The following FAAH2 variants were observed in gnomAD, a reference collection of about 807,000 sequenced individuals.
The protein encoded by FAAH2 is fatty-acid amide hydrolase 2.
A neutral mutation model predicts 36.9 loss-of-function variants in FAAH2; 60 were observed. The ratio of observed to expected loss-of-function variants is 1.63; its 90% CI spans 1.32 to 2.02. The LOEUF (loss-of-function observed/expected upper bound fraction) is 2.02. Ranked by LOEUF, FAAH2 falls within the 30% of genes most tolerant of loss-of-function variation. FAAH2 has a pLI of 0.00. For synonymous variants in FAAH2, 214 were observed against 143.8 expected (o/e 1.49, Z -3.49); for missense variants, 689 against 397.5 (o/e 1.73, Z -6.23).
intron 10 of FAAH2, among the ~76,000 whole-genome samples, chrX:57,454,362 C>T (rs1330346655): frequency 8.9e-6 from 1 of 111,894 alleles, no homozygotes; most frequent in Non-Finnish European, 1.9e-5. Flanking sequence ...TCAACCCTTA[C>T]ACATGAGAAA....
chrX:57,274,106 A>G, the FAAH2 span, among the ~76,000 whole-genome samples: 1 of 112,250 alleles, frequency 8.9e-6, no homozygotes, highest in Admixed American at 9.4e-5. Flanking sequence ...AGAAATAAAA[A>G]CTACCATCAG....
chrX:57,241,386 A>G, the FAAH2 span, among the ~76,000 whole-genome samples: 2 of 112,012 alleles, frequency 1.8e-5, no homozygotes, highest in African/African-American at 6.5e-5. Context: ...AAATTTTGCA[A>G]TCTATGCATC....
intron 5 of FAAH2, among the ~76,000 whole-genome samples, chrX:57,376,656 T>C (rs746773355): frequency 4.5e-5 from 5 of 111,623 alleles, no homozygotes; most frequent in Non-Finnish European, 9.4e-5. Flanking sequence ...TTATAATTCT[T>C]TGGGTATAAA....
the FAAH2 span, among the ~76,000 whole-genome samples, chrX:57,246,796 A>G: frequency 9.0e-6 from 1 of 111,533 alleles, no homozygotes; most frequent in African/African-American, 3.3e-5. Context: ...AGTAAAAATA[A>G]TTGTGGGTTG....
chrX:57,187,613 G>A, the FAAH2 span, among the ~76,000 whole-genome samples: 1 of 110,872 alleles, frequency 9.0e-6, no homozygotes, highest in Non-Finnish European at 1.9e-5. Flanking sequence ...TTGAATATGA[G>A]CAGTGAGAGA....
At chrX:57,433,395 G>C (rs988068671) in intron 8 of FAAH2, among the ~76,000 whole-genome samples, 4 of 111,269 alleles carry the variant, frequency 3.6e-5, no homozygotes, top group Non-Finnish European at 7.5e-5. Flanking sequence ...ACTTAAAATA[G>C]GTAGAAAAGG....
chrX:57,422,320 T>A (rs1194666162), intron 7 of FAAH2, among the ~76,000 whole-genome samples: 1 of 111,898 alleles, frequency 8.9e-6, no homozygotes, highest in African/African-American at 3.3e-5. Flanking sequence ...TTTAAGTTCT[T>A]GATGGAACTG....
At chrX:57,190,444 G>GAA in the FAAH2 span, among the ~76,000 whole-genome samples, 907 of 68,900 alleles carry the variant, frequency 0.013, 17 homozygotes, top group Admixed American at 0.072. Context: ...CACTGTGGTA[G>GAA]AAAAAAAAAA....
At chrX:57,384,061 C>G (rs1199341609) in intron 7 of FAAH2, among the ~76,000 whole-genome samples, 2 of 111,694 alleles carry the variant, frequency 1.8e-5, no homozygotes, top group Non-Finnish European at 3.8e-5. Context: ...CTGACAAAAA[C>G]AAGAAATGGG....
chrX:57,350,227 T>A (rs1360415226), intron 5 of FAAH2, among the ~76,000 whole-genome samples: 1 of 111,089 alleles, frequency 9.0e-6, no homozygotes, highest in Non-Finnish European at 1.9e-5. Flanking sequence ...TTGTCACGAT[T>A]AGATTGGCCC....
intron 8 of FAAH2, among the ~76,000 whole-genome samples, chrX:57,444,549 G>A (rs776433858): frequency 9.0e-6 from 1 of 111,627 alleles, no homozygotes; most frequent in South Asian, 3.8e-4. Context: ...CCGACCCCTT[G>A]TGCTTCCCAG....
intron 3 of FAAH2, among the ~76,000 whole-genome samples, chrX:57,318,204 CA>C (rs34207740): frequency 0.55 from 59,616 of 108,913 alleles, 14,390 homozygotes; most frequent in Non-Finnish European, 0.75. Flanking sequence ...ACAAACCCTT[CA>C]AAAAAAATAA....
chrX:57,132,208 T>C, the FAAH2 span, among the ~76,000 whole-genome samples: 1 of 112,396 alleles, frequency 8.9e-6, no homozygotes, highest in Non-Finnish European at 1.9e-5. Context: ...ACTAACGGTT[T>C]TAAATCAGTG....
chrX:57,286,642 C>T (rs1312925703), upstream of FAAH2: 3 of 380,232 alleles, frequency 7.9e-6, no homozygotes, highest in Admixed American at 5.7e-5. Context: ...GGGAAGTCTC[C>T]GCCCCCATCT....
chrX:57,170,593 A>G, the FAAH2 span, among the ~76,000 whole-genome samples: 1 of 110,815 alleles, frequency 9.0e-6, no homozygotes, highest in Non-Finnish European at 1.9e-5. Context: ...CCCCTTCTAC[A>G]CTCTGCCTTC....
chrX:57,398,415 G>A (rs1413444274), intron 7 of FAAH2, among the ~76,000 whole-genome samples: 3 of 112,044 alleles, frequency 2.7e-5, no homozygotes, highest in Non-Finnish European at 5.6e-5. Context: ...ATCAGGAAAT[G>A]TTTCCTGAAT....
the FAAH2 span, among the ~76,000 whole-genome samples, chrX:57,155,786 C>T: frequency 3.6e-5 from 4 of 112,099 alleles, no homozygotes; most frequent in African/African-American, 6.5e-5. Flanking sequence ...CAGCCCTCCT[C>T]AAGGAACACT....
the FAAH2 span, among the ~76,000 whole-genome samples, chrX:57,246,452 G>T: frequency 2.7e-5 from 3 of 111,700 alleles, no homozygotes; most frequent in Admixed American, 2.9e-4. Context: ...TATCCCTGAG[G>T]AATATGTGAA....
intron 8 of FAAH2, among the ~76,000 whole-genome samples, chrX:57,436,332 C>T (rs967412895): frequency 1.9e-5 from 2 of 107,993 alleles, no homozygotes; most frequent in Non-Finnish European, 3.9e-5. Flanking sequence ...CAAACTAAAC[C>T]GAAAAGTGGC....
Sources: allele counts gnomAD v4.1 joint callset (sites outside exome capture counted in the v4.1 genomes callset), GRCh38; gene constraint gnomAD v4.1.1; transcripts MANE v1.5; gene names NCBI Gene and HGNC (gene_info 2026-07-23, HGNC 2026-07-21).